Variants in PPIL6 observed in about 807,000 individuals in gnomAD.
The protein encoded by PPIL6 is peptidylprolyl isomerase like 6.
Under a neutral mutation model 36.8 loss-of-function variants are expected in PPIL6, and 39 were observed. That is an observed-to-expected ratio of 1.06 (90% CI 0.82 to 1.38). PPIL6 has a LOEUF of 1.38. Among genes scored for constraint, PPIL6 ranks in the 40% most tolerant of loss-of-function variants. The pLI, the probability that PPIL6 is intolerant of heterozygous loss-of-function variation, is 0.00. For synonymous variants in PPIL6, 123 were observed against 134.1 expected (o/e 0.92, Z 0.57); for missense variants, 368 against 379.1 (o/e 0.97, Z 0.24).
intron 6 of PPIL6, among the ~76,000 whole-genome samples, chr6:109,402,818 C>G (rs1370366721): frequency 6.6e-6 from 1 of 151,406 alleles, no homozygotes; most frequent in African/African-American, 2.4e-5. Flanking sequence ...GCAGTAATGC[C>G]AGGGCCTACG....
chr6:109,391,327 C>G lies in PPIL6; in HGVS notation c.*1499G>C, dbSNP rs1034683471. On this transcript the variant is annotated 3_prime_UTR_variant, in exon 8 of 8. Coordinates refer to ENST00000521072, the MANE Select transcript of PPIL6 (RefSeq NM_173672.5). ...AAAAAAAAAAAAAAAGAAAAGCACT[C>G]TTAGTCTGGGCAGAGCAGGGGCACA... 6 of 143,868 alleles carry G rather than the reference C, an allele frequency of 4.2e-5. No homozygotes were observed. The highest frequency in any genetic ancestry group is 7.5e-5 in the Non-Finnish European group (5 of 66,368). 8.9% of individuals were successfully genotyped at this position (143,868 alleles called of 1,614,324 possible).
At chr6:109,438,080 T>C (rs1168404540) in intron 1 of PPIL6, among the ~76,000 whole-genome samples, 3 of 152,204 alleles carry the variant, frequency 2.0e-5, no homozygotes, top group Non-Finnish European at 4.4e-5. Context: ...AATTGACATA[T>C]AATAATTGCA....
chr6:109,399,181 C>T (rs564417988), intron 7 of PPIL6, among the ~76,000 whole-genome samples: 26 of 152,284 alleles, frequency 1.7e-4, no homozygotes, highest in African/African-American at 6.0e-4. Context: ...GATCTCGGCT[C>T]ACTGCAACCT....
At chr6:109,403,143 A>T (rs1435445465) in intron 6 of PPIL6, 2 of 1,417,472 alleles carry the variant, frequency 1.4e-6, no homozygotes, top group Middle Eastern at 2.1e-4. Flanking sequence ...AATTTAAATT[A>T]AATTAAATTT....
At chr6:109,440,855 C>T, upstream of PPIL6, 5 of 511,790 alleles carry the variant, frequency 9.8e-6, no homozygotes, top group Non-Finnish European at 1.7e-5. Context: ...TCCTAGCGCG[C>T]GGCCCTTACC....
rs555478146 is a variant in PPIL6 at position 109,431,252 on chromosome 6, C to T, written c.325G>A (p.Ala109Thr). The change falls in exon 3 of 8, where the codon GCC becomes ACC. Residue 109 changes from alanine to threonine, a missense_variant. Physicochemically the swap from Ala to Thr is moderately conservative, Grantham distance 58. Coordinates refer to ENST00000521072, the MANE Select transcript of PPIL6 (RefSeq NM_173672.5). ...TCAACTATATCCCACACCTCGTGGG[C>T]CCATTTCTGCAGATCCAATGCATCA... ...LGDALDLQKW[A>T]HEVWDIVDIK... is the part of the protein sequence containing the mutation. 22 of 1,612,004 alleles carry T rather than the reference C, an allele frequency of 1.4e-5. No individual in the cohort carries two copies. The South Asian group carries it at 2.1e-4, about 15-fold the overall frequency.
intron 7 of PPIL6, among the ~76,000 whole-genome samples, chr6:109,398,839 G>T (rs1030023459): frequency 1.3e-5 from 2 of 152,156 alleles, no homozygotes; most frequent in African/African-American, 4.8e-5. Context: ...ATAAAGAATT[G>T]ATAATATCCT....
At chr6:109,424,213 T>G (rs1017513482) in intron 5 of PPIL6, among the ~76,000 whole-genome samples, 4 of 151,476 alleles carry the variant, frequency 2.6e-5, no homozygotes, top group Non-Finnish European at 4.4e-5. Context: ...AAACAGACAG[T>G]GGGGTTGGGG....
At chr6:109,424,413 GGT>G (rs1326575410) in intron 5 of PPIL6, among the ~76,000 whole-genome samples, 1 of 152,136 alleles carries the variant, frequency 6.6e-6, no homozygotes, top group Non-Finnish European at 1.5e-5. Context: ...GTGTTGACTG[GGT>G]ACAGCCTGTT....
At chr6:109,423,325 C>G (rs1171102024) in intron 5 of PPIL6, among the ~76,000 whole-genome samples, 4 of 152,056 alleles carry the variant, frequency 2.6e-5, no homozygotes, top group Non-Finnish European at 5.9e-5. Flanking sequence ...TGAGATGGTG[C>G]CACGTAATCC....
intron 1 of PPIL6, 36 bp from the exon 2 acceptor site, chr6:109,436,235 G>T: frequency 8.0e-7 from 1 of 1,246,630 alleles, no homozygotes; most frequent in Non-Finnish European, 1.2e-6. Context: ...TTTAGAGTTA[G>T]TTCTCTTTTA....
chr6:109,431,684 T>A (rs1182172596), intron 2 of PPIL6, among the ~76,000 whole-genome samples: 1 of 152,206 alleles, frequency 6.6e-6, no homozygotes, highest in Non-Finnish European at 1.5e-5. Context: ...TGTCTCACTC[T>A]CCCTTGAGCT....
chr6:109,411,846 T>G (rs60741741), intron 6 of PPIL6, among the ~76,000 whole-genome samples: 111 of 152,338 alleles, frequency 7.3e-4, no homozygotes, highest in African/African-American at 2.6e-3. Flanking sequence ...GCAGGGCCTA[T>G]GGCCATGAGC....
At chr6:109,415,438 T>C (rs1263419443) in intron 6 of PPIL6, among the ~76,000 whole-genome samples, 1 of 152,180 alleles carries the variant, frequency 6.6e-6, no homozygotes, top group African/African-American at 2.4e-5. Context: ...CTCATCTCTA[T>C]CAACTCATCT....
rs1562270021 is a variant in PPIL6, at chr6:109,426,966, CAT to C, written c.510_511del (p.Cys171Ter). The C allele has an allele frequency of 1.2e-6, 2 of 1,605,400 alleles. No homozygotes were observed. The highest frequency in any genetic ancestry group is 1.7e-6 in the Non-Finnish European group (2 of 1,173,224). On this transcript the variant is annotated frameshift_variant, in exon 5 of 8. Transcript: ENST00000521072. LOFTEE classifies it high-confidence loss of function. ...TGTGCACAAGACCTGAAAATTTTTA[CAT>C]GTTTTGGGACACACATCACAGTATA...
At chr6:109,423,967 A>G (rs544095874) in intron 5 of PPIL6, among the ~76,000 whole-genome samples, 3 of 152,354 alleles carry the variant, frequency 2.0e-5, no homozygotes, top group African/African-American at 7.2e-5. Flanking sequence ...ATAGTGAATA[A>G]AATAGATAAA....
intron 2 of PPIL6, 87 bp downstream of exon 2, chr6:109,436,017 C>A (rs1774425687): frequency 1.3e-6 from 1 of 774,942 alleles, no homozygotes; most frequent in South Asian, 1.5e-5. Flanking sequence ...TAAAATTACT[C>A]TTTCAGTTTT....
chr6:109,416,471 G>A (rs1297898155), intron 6 of PPIL6, among the ~76,000 whole-genome samples: 1 of 150,186 alleles, frequency 6.7e-6, no homozygotes, highest in East Asian at 2.0e-4. Context: ...CCAAAGTGCT[G>A]GGATTACAGG....
At chr6:109,403,246 C>T (rs1582534340) in intron 6 of PPIL6, 3 of 484,520 alleles carry the variant, frequency 6.2e-6, no homozygotes, top group East Asian at 3.2e-5. Context: ...GCTGGGACTA[C>T]AGGTGTGTGC....
Sources: allele counts gnomAD v4.1 joint callset (sites outside exome capture counted in the v4.1 genomes callset), GRCh38; gene constraint gnomAD v4.1.1; transcripts MANE v1.5; gene names NCBI Gene and HGNC (gene_info 2026-07-23, HGNC 2026-07-21).